Variants in NRG1 observed in about 807,000 individuals in gnomAD.
The protein encoded by NRG1 is neuregulin 1, also known as pro-neuregulin-1, membrane-bound isoform.
In NRG1, 18 loss-of-function variants were observed where a neutral mutation model predicts 63.8. The ratio of observed to expected loss-of-function variants is 0.28; its 90% CI spans 0.19 to 0.42. The LOEUF (loss-of-function observed/expected upper bound fraction) is 0.42. Among genes scored for constraint, NRG1 ranks in the 10% least tolerant of loss-of-function variants. The probability of loss-of-function intolerance (pLI) is 1.00; values close to 1 mark genes in which losing one functional copy is unlikely to be tolerated. For missense variants in NRG1, 762 were observed against 814.7 expected, an observed-to-expected ratio of 0.94 and a Z score of 0.79; for synonymous variants, 302 against 301.3, an observed-to-expected ratio of 1.00 and a Z score of -0.02.
intron 1 of NRG1, among the ~76,000 whole-genome samples, chr8:32,380,848 A>G (rs951795596): frequency 1.3e-5 from 2 of 152,220 alleles, no homozygotes; most frequent in African/African-American, 4.8e-5. Flanking sequence ...TAATTTGTAA[A>G]GATAAAGTCA....
At chr8:32,609,312 G>A (rs1312046934) in intron 3 of NRG1, among the ~76,000 whole-genome samples, 1 of 152,164 alleles carries the variant, frequency 6.6e-6, no homozygotes, top group East Asian at 1.9e-4. Flanking sequence ...GGTTGTCAAA[G>A]AAGCCTCAGT....
intron 1 of NRG1, among the ~76,000 whole-genome samples, chr8:32,504,464 GC>G (rs1828289792): frequency 6.6e-6 from 1 of 152,026 alleles, no homozygotes; most frequent in African/African-American, 2.4e-5. Context: ...ATACTTATAA[GC>G]GTTTTTTTAA....
At chr8:32,377,039 A>C (rs1057163731) in intron 1 of NRG1, among the ~76,000 whole-genome samples, 4 of 152,214 alleles carry the variant, frequency 2.6e-5, no homozygotes, top group Non-Finnish European at 5.9e-5. Context: ...TAAATGCAGA[A>C]GCGAATTTCA....
In NRG1 at chr8:32,754,490, C is replaced by T. The variant is rs1486736220; in HGVS notation, c.794+16C>T. 1.1e-5 allele frequency: 17 copies of T among 1,610,390 alleles called. No individual in the cohort carries two copies. In the Admixed American group the frequency reaches 2.5e-4, roughly 24 times the overall value. On this transcript the variant is annotated intron_variant, in intron 8 of 11. Transcript: ENST00000356819. ...GCAAAACCAAGTAAACCTTCTTTCTCCATGCCTTTCTCTCTCCTTCATGCA... is the reference window on the plus strand; with the variant it reads ...GCAAAACCAAGTAAACCTTCTTTCTTCATGCCTTTCTCTCTCCTTCATGCA...
chr8:32,575,304 G>T (rs1318640007), intron 1 of NRG1, among the ~76,000 whole-genome samples: 1 of 152,012 alleles, frequency 6.6e-6, no homozygotes, highest in African/African-American at 2.4e-5. Flanking sequence ...ATTGCCTTGT[G>T]GTTGGCCTAC....
At chr8:31,989,211 T>C (rs761838663) in intron 1 of NRG1, among the ~76,000 whole-genome samples, 3 of 133,040 alleles carry the variant, frequency 2.3e-5, no homozygotes, top group Non-Finnish European at 1.5e-5. Flanking sequence ...TTACTGTTGA[T>C]TACTGTTACA....
chr8:31,956,516 C>T (rs1353772136), intron 1 of NRG1, among the ~76,000 whole-genome samples: 9 of 151,836 alleles, frequency 5.9e-5, no homozygotes, highest in Admixed American at 2.0e-4. Flanking sequence ...CCCAGCTACT[C>T]GAGAAGCTGA....
At chr8:31,949,813 C>T (rs1803191542) in intron 1 of NRG1, among the ~76,000 whole-genome samples, 1 of 152,150 alleles carries the variant, frequency 6.6e-6, no homozygotes, top group African/African-American at 2.4e-5. Flanking sequence ...CTCTCAGTAT[C>T]CCAAACGTAG....
intron 1 of NRG1, among the ~76,000 whole-genome samples, chr8:31,819,167 A>G (rs543354939): frequency 1.3e-5 from 2 of 152,284 alleles, no homozygotes; most frequent in South Asian, 4.1e-4. Context: ...TGAGTCCAGG[A>G]GTTCGAGGTT....
intron 5 of NRG1, among the ~76,000 whole-genome samples, chr8:32,702,413 T>C (rs1277747401): frequency 6.6e-6 from 1 of 152,238 alleles, no homozygotes; most frequent in East Asian, 1.9e-4. Flanking sequence ...CAACCCATGT[T>C]TGGGCATTTG....
In NRG1 at chr8:32,144,437, A is replaced by G. The variant is rs78883286; in HGVS notation, c.38-451391A>G. Among the ~76,000 whole-genome samples, 381 of 152,172 alleles carry G rather than the reference A, an allele frequency of 2.5e-3. 1 individual carries two copies. Among genetic ancestry groups the G allele is most frequent in the African/African-American group, 8.9e-3 (371 of 41,524 alleles). On this transcript the variant is annotated intron_variant, in intron 1 of 10. Coordinates refer to the NRG1 transcript ENST00000519301. ...GGAGAAGACCTGCATGCCTAGTTGT[A>G]GCACTAGCCAGAAATTCTTGTTTCA...
chr8:32,481,069 C>T (rs558992747), intron 1 of NRG1, among the ~76,000 whole-genome samples: 9 of 152,140 alleles, frequency 5.9e-5, no homozygotes, highest in Non-Finnish European at 1.0e-4. Context: ...ATAGGCCAGG[C>T]GCAGTGGCTG....
At chr8:32,343,037 C>T (rs908363490) in intron 1 of NRG1, among the ~76,000 whole-genome samples, 2 of 152,114 alleles carry the variant, frequency 1.3e-5, no homozygotes, top group Non-Finnish European at 2.9e-5. Context: ...ATAGACATGA[C>T]GGTTTTACAA....
At chr8:31,803,372 G>A (rs549597434) in intron 1 of NRG1, among the ~76,000 whole-genome samples, 5 of 152,216 alleles carry the variant, frequency 3.3e-5, no homozygotes, top group East Asian at 1.9e-4. Flanking sequence ...AAGCCACACC[G>A]ACAGAGAGCT....
intron 1 of NRG1, among the ~76,000 whole-genome samples, chr8:32,518,270 C>T (rs902119975): frequency 6.6e-6 from 1 of 152,108 alleles, no homozygotes; most frequent in Non-Finnish European, 1.5e-5. Flanking sequence ...TGCTCGTTAC[C>T]TCTACCTCCA....
intron 1 of NRG1, among the ~76,000 whole-genome samples, chr8:32,397,391 T>A (rs1812575066): frequency 6.6e-6 from 1 of 152,168 alleles, no homozygotes. Flanking sequence ...AAAAACTTGG[T>A]GCCTTGTACA....
chr8:32,484,068 A>G (rs940845933), intron 1 of NRG1, among the ~76,000 whole-genome samples: 1 of 151,072 alleles, frequency 6.6e-6, no homozygotes, highest in East Asian at 2.0e-4. Context: ...GCACCACTGC[A>G]CTCCAGCCTG....
intron 6 of NRG1, among the ~76,000 whole-genome samples, chr8:32,734,095 G>GC: frequency 6.6e-6 from 1 of 152,312 alleles, no homozygotes; most frequent in South Asian, 2.1e-4. Context: ...CAGAAGAGTG[G>GC]CACCATAGAC....
intron 1 of NRG1, among the ~76,000 whole-genome samples, chr8:31,952,284 A>G (rs1156418294): frequency 6.6e-6 from 1 of 152,238 alleles, no homozygotes; most frequent in Non-Finnish European, 1.5e-5. Context: ...GGGCGTGTAA[A>G]GAACTTATTA....
Sources: allele counts gnomAD v4.1 joint callset (sites outside exome capture counted in the v4.1 genomes callset), GRCh38; gene constraint gnomAD v4.1.1; transcripts MANE v1.5; gene names NCBI Gene and HGNC (gene_info 2026-07-23, HGNC 2026-07-21).